Variants in ADGRA1 observed in about 807,000 individuals in gnomAD.
ADGRA1 encodes the protein G-protein coupled receptor 123.
A neutral mutation model predicts 21.3 loss-of-function variants in ADGRA1; 12 were observed. The ratio of observed to expected loss-of-function variants is 0.56; its 90% CI spans 0.36 to 0.91. The LOEUF (loss-of-function observed/expected upper bound fraction) is 0.91, where lower values mean the gene tolerates loss of function less well. ADGRA1 is among the 40% of genes least tolerant of loss of function. The pLI is 0.01. For missense variants in ADGRA1, 790 were observed against 805.6 expected, an observed-to-expected ratio of 0.98 and a Z score of 0.23; for synonymous variants, 385 against 368.8, an observed-to-expected ratio of 1.04 and a Z score of -0.50.
chr10:133,121,903 T>G (rs1367062474), intron 5 of ADGRA1, among the ~76,000 whole-genome samples: 5 of 146,576 alleles, frequency 3.4e-5, no homozygotes, highest in Non-Finnish European at 7.5e-5. Context: ...TGCGTGCAAG[T>G]GTGAGTGCCT....
chr10:133,103,452 C>T (rs1007077030), intron 5 of ADGRA1, among the ~76,000 whole-genome samples: 2 of 152,196 alleles, frequency 1.3e-5, no homozygotes, highest in African/African-American at 4.8e-5. Flanking sequence ...GTGTGAGGCC[C>T]GGTTGCTGGG....
rs1352978497 is a variant in ADGRA1, at chr10:133,118,952, ACT to A, written c.402-8279_402-8278del. Among the ~76,000 whole-genome samples the A allele has an allele frequency of 1.4e-4, 22 of 151,734 alleles. No homozygotes were observed. The East Asian group carries it at 1.9e-3, about 13-fold the overall frequency. On this transcript the variant is annotated intron_variant, in intron 5 of 6. Coordinates refer to ENST00000392607, the MANE Select transcript of ADGRA1 (RefSeq NM_001083909.3). The stretch of plus-strand genomic sequence containing the variant: ...ATGCATTGCACACATGTGCACACAC[ACT>A]CATGCATTTACATCACACACACGCA...
At chr10:133,122,689 T>A (rs931450617) in intron 5 of ADGRA1, among the ~76,000 whole-genome samples, 3 of 152,192 alleles carry the variant, frequency 2.0e-5, no homozygotes, top group African/African-American at 2.4e-5. Flanking sequence ...GCCAGGAAAC[T>A]GTGGTCACGA....
chr10:133,100,888 A>C (rs771327363), intron 4 of ADGRA1, among the ~76,000 whole-genome samples: 57 of 152,148 alleles, frequency 3.7e-4, no homozygotes, highest in Admixed American at 1.2e-3. Context: ...TGCCTGCCGG[A>C]CGCGTGACGC....
In ADGRA1 at chr10:133,128,629, G is replaced by A. The variant is rs757704315; in HGVS notation, c.801G>A (p.Thr267=). Residue 267 remains threonine, a synonymous_variant, in exon 7 of 7, where the codon ACG becomes ACA. Transcript: ENST00000392607. ...RAAAFTLFLF[T]ATWAFGALAV... ...CCGCCTTCACGCTGTTCCTGTTCAC[G>A]GCCACGTGGGCCTTCGGGGCGCTGG... 71 of 1,606,570 alleles carry A rather than the reference G, an allele frequency of 4.4e-5. No homozygotes were observed. Among genetic ancestry groups the A allele is most frequent in the African/African-American group, 6.7e-5 (5 of 74,854 alleles).
rs769574479 is a variant in ADGRA1 at position 133,128,860 on chromosome 10, G to A, written c.1032G>A (p.Leu344=). 1 of 1,580,386 alleles carries A rather than the reference G, an allele frequency of 6.3e-7. No individual in the cohort carries two copies. Among genetic ancestry groups the A allele is most frequent in the Non-Finnish European group, 8.6e-7 (1 of 1,166,760 alleles). Residue 344 remains leucine (L), a synonymous_variant, in exon 7 of 7, where the codon CTG becomes CTA. Coordinates refer to ENST00000392607, the MANE Select transcript of ADGRA1 (RefSeq NM_001083909.3). ...NGAALGRAAC[L]HSPGLGQPRG... is the part of the protein sequence containing the mutation. The stretch of plus-strand genomic sequence containing the variant: ...CCGCGCTGGGCCGCGCCGCCTGCCT[G>A]CACTCGCCGGGACTGGGCCAGCCAC...
intron 2 of ADGRA1, among the ~76,000 whole-genome samples, chr10:133,096,309 C>A (rs1272343365): frequency 3.3e-5 from 5 of 152,218 alleles, no homozygotes; most frequent in Non-Finnish European, 4.4e-5. Context: ...TCCATCAGCT[C>A]CAAGCCTTTC....
chr10:133,100,478 C>G (rs1186359609), intron 4 of ADGRA1, among the ~76,000 whole-genome samples: 1 of 152,246 alleles, frequency 6.6e-6, no homozygotes, highest in Admixed American at 6.5e-5. Flanking sequence ...GGAACACCTG[C>G]CACTGCTTGC....
intron 5 of ADGRA1, among the ~76,000 whole-genome samples, chr10:133,111,767 A>AG (rs1416217035): frequency 5.9e-4 from 1 of 1,682 alleles, no homozygotes; most frequent in Admixed American, 7.4e-3. Flanking sequence ...CCCGCCACAG[A>AG]CACCTCCCTC....
Position 133,088,123 on chromosome 10 carries a change from G to C in ADGRA1, c.-218G>C. ...GCGCGGCCCGGCCGCCCCGGCAGCC[G>C]CTTCGGCCACAGCAGGTGGGAAGGA... On this transcript the variant is annotated 5_prime_UTR_variant, in exon 1 of 7. Coordinates refer to ENST00000392607, the MANE Select transcript of ADGRA1 (RefSeq NM_001083909.3). 3 of 984,846 alleles carry C rather than the reference G, an allele frequency of 3.0e-6. No individual in the cohort carries two copies. Among genetic ancestry groups the C allele is most frequent in the Non-Finnish European group, 3.6e-6 (3 of 829,512 alleles). 61.0% of individuals were successfully genotyped at this position (984,846 alleles called of 1,614,324 possible).
At chr10:133,102,617 T>A (rs7918862) in intron 4 of ADGRA1, 80 bp from the exon 5 acceptor site, 795,916 of 1,485,412 alleles carry the variant, frequency 0.54, 216,110 homozygotes, top group African/African-American at 0.69. Flanking sequence ...ATTCTTGAAG[T>A]TGCAAGCCCG....
At chr10:133,092,758 GA>G (rs1851617577) in intron 2 of ADGRA1, among the ~76,000 whole-genome samples, 3 of 130,098 alleles carry the variant, frequency 2.3e-5, no homozygotes, top group African/African-American at 9.6e-5. Flanking sequence ...AGGGAGGAAG[GA>G]AGGAAGGAAG....
At chr10:133,111,741 C>G (rs1356920413) in intron 5 of ADGRA1, among the ~76,000 whole-genome samples, 9 of 108,610 alleles carry the variant, frequency 8.3e-5, no homozygotes, top group East Asian at 1.2e-3. Context: ...CCCTCCTAAT[C>G]CCACCAGACA....
chr10:133,098,808 G>T, intron 4 of ADGRA1, 45 bp downstream of exon 4: 1 of 1,580,758 alleles, frequency 6.3e-7, no homozygotes, highest in Non-Finnish European at 8.6e-7. Flanking sequence ...GAGGGGAACT[G>T]CGTGAGCGTC....
rs1564849759 is a variant in ADGRA1 at position 133,111,993 on chromosome 10, GCCTCCAGACCACCTGCCCACCACA to G, written c.401+9152_401+9175del. Among the ~76,000 whole-genome samples, 72 of 16,722 alleles carry G rather than the reference GCCTCCAGACCACCTGCCCACCACA, an allele frequency of 4.3e-3. 11 individuals are homozygous for G. Among genetic ancestry groups the G allele is most frequent in the African/African-American group, 0.016 (38 of 2,444 alleles). 11.0% of individuals were successfully genotyped at this position (16,722 alleles called of 152,430 possible). On this transcript the variant is annotated intron_variant, in intron 5 of 6. Transcript: ENST00000392607. ...CCACCACAGGCACCTCCCTCCTAAT[GCCTCCAGACCACCTGCCCACCACA>G]GACACCTCCCTCCTAATGCCTCCAG... is the stretch of plus-strand genomic sequence containing the variant.
At chr10:133,123,609 A>G (rs544941732) in intron 5 of ADGRA1, among the ~76,000 whole-genome samples, 23 of 152,286 alleles carry the variant, frequency 1.5e-4, no homozygotes, top group African/African-American at 4.3e-4. Context: ...GTGAAAGCTC[A>G]GTGGCCTAAA....
chr10:133,103,583 G>A lies in ADGRA1; in HGVS notation c.401+741G>A, dbSNP rs568786721. 1.5e-4 allele frequency among the ~76,000 whole-genome samples: 23 copies of A among 152,334 alleles called. No homozygotes were observed. The South Asian group carries it at 1.9e-3, about 12-fold the overall frequency. On this transcript the variant is annotated intron_variant, in intron 5 of 6. Coordinates refer to ENST00000392607, the MANE Select transcript of ADGRA1 (RefSeq NM_001083909.3). ...GAACCATGGGCCTGCCTAGGGGGGC[G>A]GACACAGCCCATGATGGCACAGACC...
rs1357120061 is a variant in ADGRA1 at position 133,123,269 on chromosome 10, G to A, written c.402-3964G>A. Among the ~76,000 whole-genome samples, 4 of 152,198 alleles carry A rather than the reference G, an allele frequency of 2.6e-5. No individual in the cohort carries two copies. The East Asian group carries it at 7.7e-4, about 29-fold the overall frequency. On this transcript the variant is annotated intron_variant, in intron 5 of 6. Coordinates refer to ENST00000392607, the MANE Select transcript of ADGRA1 (RefSeq NM_001083909.3). Reference sequence around the variant, plus strand: ...CCTCTCTTGCCTCTGTGAAGCGTGTGCAGGTCTCTTCCGCTCTCTTCTGGG... The same window carrying A: ...CCTCTCTTGCCTCTGTGAAGCGTGTACAGGTCTCTTCCGCTCTCTTCTGGG...
Position 133,118,682 on chromosome 10 carries a change from C to T in ADGRA1, c.402-8551C>T, listed in dbSNP as rs368310016. ...GGAAGCCGCCCCCTGATCCAGTCAC[C>T]TCCCACCAGGTCCTGCCCTCAACAC... On this transcript the variant is annotated intron_variant, in intron 5 of 6. Transcript: ENST00000392607. Among the ~76,000 whole-genome samples the T allele has an allele frequency of 1.1e-4, 17 of 152,314 alleles. No homozygotes were observed. In the East Asian group the frequency reaches 1.7e-3, roughly 16 times the overall value.
Sources: allele counts gnomAD v4.1 joint callset (sites outside exome capture counted in the v4.1 genomes callset), GRCh38; gene constraint gnomAD v4.1.1; transcripts MANE v1.5; gene names NCBI Gene and HGNC (gene_info 2026-07-23, HGNC 2026-07-21).